CCDC85C: variants seen among roughly 807,000 people sequenced by gnomAD.
CCDC85C encodes the protein coiled-coil domain containing 85C.
CCDC85C carries 18 observed loss-of-function variants against 38.3 expected under a neutral mutation model. That is an observed-to-expected ratio of 0.47 (90% confidence interval 0.33 to 0.70). CCDC85C has a LOEUF of 0.70. CCDC85C is among the 30% of genes least tolerant of loss of function. The pLI, the probability that CCDC85C is intolerant of heterozygous loss-of-function variation, is 0.03. For missense variants in CCDC85C, 566 were observed against 621.2 expected (o/e 0.91, Z 0.94); for synonymous variants, 264 against 293.8 (o/e 0.90, Z 1.04).
chr14:99,534,356 CA>C (rs80313731), intron 2 of CCDC85C, among the ~76,000 whole-genome samples: 2,876 of 136,492 alleles, frequency 0.021, 89 homozygotes, highest in African/African-American at 0.066. Context: ...AATTCCATCT[CA>C]AAAAAAAAAA....
At chr14:99,537,859 G>A (rs533357425) in intron 1 of CCDC85C, among the ~76,000 whole-genome samples, 25 of 152,306 alleles carry the variant, frequency 1.6e-4, no homozygotes, top group African/African-American at 5.3e-4. Flanking sequence ...CATTCAGGGT[G>A]TGCTGGGTCC....
intron 3 of CCDC85C, among the ~76,000 whole-genome samples, chr14:99,518,007 C>A (rs1330172752): frequency 6.6e-6 from 1 of 152,206 alleles, no homozygotes; most frequent in Non-Finnish European, 1.5e-5. Context: ...GTTTCCAGGA[C>A]ATCTTCGGGG....
rs1430145584 is a variant in CCDC85C at position 99,576,147 on chromosome 14, G to A, written c.793+27020C>T. Among the ~76,000 whole-genome samples the A allele has an allele frequency of 6.6e-6, 1 of 152,202 alleles. No individual in the cohort carries two copies. The highest frequency in any genetic ancestry group is 1.9e-4 in the East Asian group (1 of 5,202). On this transcript the variant is annotated intron_variant, in intron 1 of 5. Coordinates refer to ENST00000380243, the MANE Select transcript of CCDC85C (RefSeq NM_001144995.2). This position sits in a 1 kb window ranked among gnomAD's most constrained non-coding sequence, Gnocchi z 4.8. ...AAGTAGCCACAATCCCACAAAGAGG[G>A]CCAGGGGTACATCCAAGGCATAAAC...
chr14:99,515,411 T>C, intron 5 of CCDC85C, 76 bp from the exon 6 acceptor site: 1 of 1,098,344 alleles, frequency 9.1e-7, no homozygotes, highest in Non-Finnish European at 1.3e-6. Flanking sequence ...CGCCGCCTCA[T>C]CACGGCAGAA....
At chr14:99,580,204 G>A (rs1456723538) in intron 1 of CCDC85C, 17 of 440,886 alleles carry the variant, frequency 3.9e-5, no homozygotes, top group African/African-American at 8.1e-5. Context: ...GTGTGGCCCC[G>A]GAGCTCGGCA....
intron 1 of CCDC85C, among the ~76,000 whole-genome samples, chr14:99,551,998 GA>G (rs1243071516): frequency 1.4e-4 from 22 of 152,226 alleles, no homozygotes; most frequent in Non-Finnish European, 2.5e-4. Context: ...GTGAGGACCT[GA>G]GGCTAAGAGG....
At chr14:99,579,163 C>T (rs1006507774) in intron 1 of CCDC85C, among the ~76,000 whole-genome samples, 5 of 152,236 alleles carry the variant, frequency 3.3e-5, no homozygotes, top group African/African-American at 9.6e-5. Context: ...CCACACAGTC[C>T]CCTGGGCTCC....
rs74832839 is a variant in CCDC85C, at chr14:99,522,393, C to G, written c.868-153G>C. ...CCCTCCACACCGCTTATCCATCCCC[C>G]GAGCCGGGATCAATCGATCTTCACT... On this transcript the variant is annotated intron_variant, in intron 2 of 5. Coordinates refer to ENST00000380243, the MANE Select transcript of CCDC85C (RefSeq NM_001144995.2). 3.4e-3 allele frequency: 1,910 copies of G among 562,446 alleles called. 32 individuals carry two copies. The highest frequency in any genetic ancestry group is 0.032 in the African/African-American group (1,698 of 53,046). The allele number at this position is 562,446 out of a possible 1,614,324, so 34.8% of individuals were successfully genotyped here.
intron 2 of CCDC85C, among the ~76,000 whole-genome samples, chr14:99,529,713 G>A (rs925785409): frequency 2.6e-5 from 4 of 152,200 alleles, no homozygotes; most frequent in Admixed American, 6.5e-5. Context: ...TGAGGGGTGC[G>A]GATTTGCAAA....
chr14:99,586,445 C>T (rs147233701), intron 1 of CCDC85C, among the ~76,000 whole-genome samples: 1 of 152,340 alleles, frequency 6.6e-6, no homozygotes, highest in South Asian at 2.1e-4. Flanking sequence ...AGGCGGGAAA[C>T]GGAGGCACGT....
intron 1 of CCDC85C, among the ~76,000 whole-genome samples, chr14:99,591,390 G>A (rs1009465064): frequency 3.9e-5 from 6 of 152,228 alleles, no homozygotes; most frequent in South Asian, 2.1e-4. Context: ...ACCTACAGCC[G>A]CAGGACATCC....
intron 1 of CCDC85C, among the ~76,000 whole-genome samples, chr14:99,597,825 G>A (rs1289062582): frequency 6.6e-6 from 1 of 152,194 alleles, no homozygotes; most frequent in East Asian, 1.9e-4. Flanking sequence ...GGGTACCAGC[G>A]TGTGTCAGGG....
Position 99,603,661 on chromosome 14 carries a change from T to C in CCDC85C, c.299A>G (p.Lys100Arg). ...GAAGCGCTGCCACTCGCGCGCCAGC[T>C]TGCGCCCCTTCTGCCGGTCGTCGTC... is the stretch of plus-strand genomic sequence containing the variant. ...FLDDDRQKGRKLAREWQRFGR... is the reference protein window; with the variant it reads ...FLDDDRQKGRRLAREWQRFGR... The change falls in exon 1 of 6, where the codon AAG (lysine) becomes AGG (arginine). Residue 100 changes from lysine (K) to arginine (R), a missense_variant. By Grantham distance (26) the Lys-to-Arg change is conservative. Around this residue, in one of 3 missense-constraint regions of CCDC85C, gnomAD observed 269 missense variants for 308.2 expected, o/e 0.87. Transcript: ENST00000380243. The surrounding 1 kb of genome is among the most constrained non-coding windows in gnomAD (Gnocchi z 7.5). 4 of 1,490,562 alleles carry C rather than the reference T, an allele frequency of 2.7e-6. No homozygotes were observed. The highest frequency in any genetic ancestry group is 3.6e-6 in the Non-Finnish European group (4 of 1,122,024). 92.3% of individuals were successfully genotyped at this position (1,490,562 alleles called of 1,614,324 possible).
At chr14:99,549,031 GA>G (rs1417734650) in intron 1 of CCDC85C, among the ~76,000 whole-genome samples, 2 of 152,168 alleles carry the variant, frequency 1.3e-5, no homozygotes, top group African/African-American at 4.8e-5. Flanking sequence ...CTCTCCCTGG[GA>G]AAAGTCGGGG....
chr14:99,528,409 G>A (rs985943303), intron 2 of CCDC85C, among the ~76,000 whole-genome samples: 4 of 152,200 alleles, frequency 2.6e-5, no homozygotes, highest in African/African-American at 7.2e-5. Flanking sequence ...GTTGGGGCTC[G>A]CCAAGGCGAC....
chr14:99,568,246 CTTTATTTTTT>C lies in CCDC85C; in HGVS notation c.794-32168_794-32159del, dbSNP rs1237072792. Among the ~76,000 whole-genome samples the C allele has an allele frequency of 1.4e-3, 155 of 114,508 alleles. 3 individuals are homozygous for C. Among genetic ancestry groups the C allele is most frequent in the African/African-American group, 5.7e-3 (151 of 26,408 alleles). The allele number at this position is 114,508 out of a possible 152,430, so 75.1% of individuals were successfully genotyped here. The stretch of plus-strand genomic sequence containing the variant: ...AGACACTCTCTGGAGGCCACCTGCC[CTTTATTTTTT>C]TTTTTTTTTTTTTTGAGACAAAGTC... On this transcript the variant is annotated intron_variant, in intron 1 of 5. Coordinates refer to ENST00000380243, the MANE Select transcript of CCDC85C (RefSeq NM_001144995.2).
rs146769071 is a variant in CCDC85C, at chr14:99,553,573, C to T, written c.794-17485G>A. Among the ~76,000 whole-genome samples, 515 of 152,282 alleles carry T rather than the reference C, an allele frequency of 3.4e-3. 4 individuals carry two copies. The highest frequency in any genetic ancestry group is 0.012 in the African/African-American group (497 of 41,576). On this transcript the variant is annotated intron_variant, in intron 1 of 5. Coordinates refer to ENST00000380243, the MANE Select transcript of CCDC85C (RefSeq NM_001144995.2). ...AGAGACGGGGTTTCACCATACTGGC[C>T]AGGCTGGTCTCGAACTCCTGACCTC...
intron 1 of CCDC85C, among the ~76,000 whole-genome samples, chr14:99,602,090 T>C (rs745818074): frequency 5.3e-5 from 8 of 152,224 alleles, no homozygotes; most frequent in Non-Finnish European, 1.0e-4. Flanking sequence ...CTGTTCATTC[T>C]CCACCTTCAG....
rs1012120467 is a variant in CCDC85C at position 99,506,243 on chromosome 14, G to C, written c.*9003C>G. ...CCAGAGAAAGAGGCCAGTGATGGCAGAGGAGACTCAGATCTGAGTGGTGTA... is the reference window on the plus strand; with the variant it reads ...CCAGAGAAAGAGGCCAGTGATGGCACAGGAGACTCAGATCTGAGTGGTGTA... On this transcript the variant is annotated 3_prime_UTR_variant, in exon 6 of 6. Coordinates refer to ENST00000380243, the MANE Select transcript of CCDC85C (RefSeq NM_001144995.2). 6.6e-6 allele frequency: 1 copy of C among 152,290 alleles called. No homozygotes were observed. Among genetic ancestry groups the C allele is most frequent in the Non-Finnish European group, 1.5e-5 (1 of 68,084 alleles). The allele number at this position is 152,290 out of a possible 1,614,324, so 9.4% of individuals were successfully genotyped here.
Sources: gnomAD v4.1 joint callset for allele counts (sites outside exome capture counted in the v4.1 genomes callset) on GRCh38, gnomAD v4.1.1 for gene constraint, gnomAD v4.1.1 regional missense constraint, Gnocchi (gnomAD v3.1) non-coding constraint, MANE v1.5 for transcripts, NCBI Gene and HGNC (gene_info 2026-07-23, HGNC 2026-07-21) for gene names.